The following CNTNAP2 variants were observed in gnomAD, a reference collection of about 807,000 sequenced individuals.
CNTNAP2 encodes the protein contactin-associated protein-like 2.
In CNTNAP2, 98 loss-of-function variants were observed where a neutral mutation model predicts 155.2. The observed-to-expected ratio is 0.63, with a 90% confidence interval of 0.54 to 0.75. The LOEUF is 0.75. Ranked by LOEUF, CNTNAP2 falls within the 30% of genes least tolerant of loss-of-function variation. The probability of loss-of-function intolerance (pLI) is 0.00; values close to 1 mark genes in which losing one functional copy is unlikely to be tolerated. For synonymous variants in CNTNAP2, 651 were observed against 631.2 expected, an observed-to-expected ratio of 1.03 and a Z score of -0.47; for missense variants, 1,727 against 1,688.1, an observed-to-expected ratio of 1.02 and a Z score of -0.40.
chr7:148,403,814 T>C (rs1167463202), intron 22 of CNTNAP2, among the ~76,000 whole-genome samples: 1 of 152,212 alleles, frequency 6.6e-6, no homozygotes, highest in Non-Finnish European at 1.5e-5. Context: ...AGCACTCACA[T>C]GCATTAGGAC....
chr7:146,822,904 CT>C, intron 2 of CNTNAP2, among the ~76,000 whole-genome samples: 1 of 145,148 alleles, frequency 6.9e-6, no homozygotes, highest in East Asian at 2.1e-4. Flanking sequence ...TGGAAATATA[CT>C]CATTCTTCAG....
chr7:147,004,212 CAAAAAA>C (rs71525979), intron 3 of CNTNAP2, among the ~76,000 whole-genome samples: 1 of 97,734 alleles, frequency 1.0e-5, no homozygotes, highest in African/African-American at 3.7e-5. Flanking sequence ...ACTCATATAC[CAAAAAA>C]AAAAAAAAAG....
intron 13 of CNTNAP2, among the ~76,000 whole-genome samples, chr7:147,815,743 C>T (rs571653070): frequency 3.3e-5 from 5 of 152,286 alleles, no homozygotes; most frequent in African/African-American, 1.2e-4. Context: ...CTGCTTATCA[C>T]AAATGTAACA....
intron 21 of CNTNAP2, among the ~76,000 whole-genome samples, chr7:148,288,391 G>A (rs1011263003): frequency 2.0e-5 from 3 of 151,982 alleles, no homozygotes; most frequent in South Asian, 2.1e-4. Flanking sequence ...GAGCCACCGC[G>A]CCCCGCCTCT....
At chr7:147,042,248 G>T (rs982233140) in intron 3 of CNTNAP2, among the ~76,000 whole-genome samples, 2 of 152,180 alleles carry the variant, frequency 1.3e-5, no homozygotes, top group Non-Finnish European at 2.9e-5. Context: ...AGCAGGAATC[G>T]TCACAGAAGA....
chr7:146,673,719 C>A (rs866347370), intron 1 of CNTNAP2, among the ~76,000 whole-genome samples: 2 of 152,156 alleles, frequency 1.3e-5, no homozygotes, highest in Non-Finnish European at 2.9e-5. Context: ...CCTTTCCAAA[C>A]CTGCAGTGGA....
chr7:147,696,229 G>C (rs1471057296), intron 13 of CNTNAP2, among the ~76,000 whole-genome samples: 6 of 152,024 alleles, frequency 3.9e-5, no homozygotes, highest in Admixed American at 3.9e-4. Flanking sequence ...GTTTGGTTTT[G>C]ATTTTTTGCC....
At position 147,755,155 on chromosome 7, in the gene CNTNAP2, T is replaced by C. The variant is rs1400781852; in HGVS notation, c.2098+115849T>C. On this transcript the variant is annotated intron_variant, in intron 13 of 23. Transcript: ENST00000361727. ...GAAAAATTAACCCTGCTAACTTGGA[T>C]GGTGACAGCTTAAGTGTATGAGTGA... is the stretch of plus-strand genomic sequence containing the variant. Among the ~76,000 whole-genome samples, 5 of 152,142 alleles carry C rather than the reference T, an allele frequency of 3.3e-5. No individual in the cohort carries two copies. In the East Asian group the frequency reaches 9.6e-4, roughly 29 times the overall value.
At chr7:146,744,381 G>T (rs1204389321) in intron 1 of CNTNAP2, among the ~76,000 whole-genome samples, 2 of 152,006 alleles carry the variant, frequency 1.3e-5, no homozygotes, top group Non-Finnish European at 2.9e-5. Flanking sequence ...GATTTCAAAG[G>T]TTTCTATTCT....
intron 1 of CNTNAP2, among the ~76,000 whole-genome samples, chr7:146,730,092 A>G (rs1482169641): frequency 6.6e-6 from 1 of 152,300 alleles, no homozygotes; most frequent in Non-Finnish European, 1.5e-5. Flanking sequence ...GGTTTCCTTT[A>G]TCATCTGATG....
intron 16 of CNTNAP2, among the ~76,000 whole-genome samples, chr7:148,128,287 T>C (rs918741242): frequency 3.3e-5 from 5 of 152,184 alleles, no homozygotes; most frequent in African/African-American, 1.2e-4. Context: ...ATATTCAACA[T>C]TTGGAATCTG....
At chr7:146,481,405 T>G (rs1455360899) in intron 1 of CNTNAP2, among the ~76,000 whole-genome samples, 2 of 152,258 alleles carry the variant, frequency 1.3e-5, no homozygotes, top group East Asian at 3.9e-4. Context: ...TGTGACCTTT[T>G]GCAAGTTACT....
At chr7:147,478,114 G>A (rs1226142017) in intron 10 of CNTNAP2, among the ~76,000 whole-genome samples, 3 of 149,172 alleles carry the variant, frequency 2.0e-5, no homozygotes, top group African/African-American at 7.4e-5. Flanking sequence ...TTTTAGTTAG[G>A]ATATGTATAT....
intron 13 of CNTNAP2, 103 bp from the exon 14 acceptor site, chr7:147,903,462 T>C (rs1275281602): frequency 9.6e-6 from 12 of 1,249,250 alleles, no homozygotes; most frequent in Non-Finnish European, 1.4e-5. Flanking sequence ...GGTTGAGTGA[T>C]GTTCAGACTA....
intron 8 of CNTNAP2, among the ~76,000 whole-genome samples, chr7:147,198,992 T>A (rs945412856): frequency 7.0e-6 from 1 of 142,740 alleles, no homozygotes; most frequent in Non-Finnish European, 1.5e-5. Flanking sequence ...GACAGAATGA[T>A]GCTCTGTCAC....
chr7:147,878,799 A>G (rs1799469396), intron 13 of CNTNAP2, among the ~76,000 whole-genome samples: 1 of 152,228 alleles, frequency 6.6e-6, no homozygotes. Flanking sequence ...GTGGCAGGCC[A>G]TAATACTACT....
intron 3 of CNTNAP2, among the ~76,000 whole-genome samples, chr7:146,920,343 T>C (rs1796476697): frequency 6.6e-6 from 1 of 151,822 alleles, no homozygotes; most frequent in African/African-American, 2.4e-5. Flanking sequence ...GAAACTGGGA[T>C]GCGGAGGTTG....
chr7:147,407,416 C>T (rs559299515), intron 10 of CNTNAP2, among the ~76,000 whole-genome samples: 279 of 133,116 alleles, frequency 2.1e-3, no homozygotes, highest in South Asian at 9.7e-3. Context: ...TGCAGTGAGC[C>T]GAGATCATGC....
chr7:148,015,825 T>A (rs1802166793), intron 15 of CNTNAP2, among the ~76,000 whole-genome samples: 1 of 152,216 alleles, frequency 6.6e-6, no homozygotes, highest in South Asian at 2.1e-4. Context: ...GCTTTTAAAA[T>A]GAAAGTTTCC....
Sources: gnomAD v4.1 joint callset for allele counts (sites outside exome capture counted in the v4.1 genomes callset) on GRCh38, gnomAD v4.1.1 for gene constraint, MANE v1.5 for transcripts, NCBI Gene and HGNC (gene_info 2026-07-23, HGNC 2026-07-21) for gene names.